Variants in GCFC2 observed in about 807,000 individuals in gnomAD.
GCFC2 encodes intron Large complex component GCFC2.
GCFC2 carries 102 observed loss-of-function variants against 99.4 expected under a neutral mutation model. That is an observed-to-expected ratio of 1.03 (90% confidence interval 0.87 to 1.21). The LOEUF is 1.21. Among genes scored for constraint, GCFC2 ranks in the 50% most tolerant of loss-of-function variants. The probability of loss-of-function intolerance (pLI) is 0.00; values close to 1 mark genes in which losing one functional copy is unlikely to be tolerated. For missense variants in GCFC2, 973 were observed against 920.9 expected, an observed-to-expected ratio of 1.06 and a Z score of -0.73; for synonymous variants, 338 against 316.8, an observed-to-expected ratio of 1.07 and a Z score of -0.71.
intron 5 of GCFC2, among the ~76,000 whole-genome samples, chr2:75,695,316 C>G (rs998297223): frequency 1.4e-5 from 2 of 147,944 alleles, no homozygotes; most frequent in African/African-American, 2.6e-5. Context: ...TATTTACTAT[C>G]CAGCCTTTTA....
chr2:75,680,464 A>G (rs1679523869), intron 11 of GCFC2, 150 bp from the exon 12 acceptor site: 1 of 556,868 alleles, frequency 1.8e-6, no homozygotes, highest in Admixed American at 3.4e-5. Flanking sequence ...ATTTGCATAC[A>G]TCTTCAATTT....
intron 11 of GCFC2, among the ~76,000 whole-genome samples, chr2:75,684,292 G>C (rs528685666): frequency 6.6e-6 from 1 of 152,288 alleles, no homozygotes; most frequent in Admixed American, 6.5e-5. Flanking sequence ...TCAGACCACA[G>C]TACAATCAAA....
intron 4 of GCFC2, among the ~76,000 whole-genome samples, chr2:75,698,786 C>A (rs1033932877): frequency 6.6e-6 from 1 of 151,934 alleles, no homozygotes; most frequent in African/African-American, 2.4e-5. Flanking sequence ...TTGAGGTGGG[C>A]AGACTGCCTG....
At position 75,694,398 on chromosome 2, in the gene GCFC2, G is replaced by T; in HGVS notation, c.863C>A (p.Ser288Ter). Reference sequence around the variant, plus strand: ...GTATTTTTCATACTCCCTCAGGTGTGAGCGGTGAGTTTCCTGTAGTAATGT... The same window carrying T: ...GTATTTTTCATACTCCCTCAGGTGTTAGCGGTGAGTTTCCTGTAGTAATGT... Reference protein sequence around the residue: ...RLTLLQETHRSHLREYEKYVQ... With the variant: ...RLTLLQETHR The change falls in exon 6 of 17, where the codon TCA becomes TAA. Residue 288 changes from serine (S) to a stop codon, truncating the protein, a stop_gained. Coordinates refer to ENST00000321027, the MANE Select transcript of GCFC2 (RefSeq NM_003203.5). LOFTEE classifies it high-confidence loss of function. 6.9e-7 allele frequency: 1 copy of T among 1,456,680 alleles called. No homozygotes were observed. Among genetic ancestry groups the T allele is most frequent in the Non-Finnish European group, 9.2e-7 (1 of 1,087,956 alleles). The allele number at this position is 1,456,680 out of a possible 1,614,324, so 90.2% of individuals were successfully genotyped here.
chr2:75,673,663 A>C (rs1044643742), intron 12 of GCFC2, 143 bp from the exon 13 acceptor site: 9 of 603,186 alleles, frequency 1.5e-5, no homozygotes, highest in Non-Finnish European at 2.7e-5. Flanking sequence ...TACAAAAAAA[A>C]CCTTATTTAT....
At chr2:75,677,618 T>C (rs1313053492) in intron 12 of GCFC2, among the ~76,000 whole-genome samples, 1 of 152,216 alleles carries the variant, frequency 6.6e-6, no homozygotes, top group Non-Finnish European at 1.5e-5. Flanking sequence ...AAAACCCTGA[T>C]GTAATCTATT....
intron 8 of GCFC2, 127 bp from the exon 9 acceptor site, chr2:75,690,208 A>G (rs1407145680): frequency 1.9e-5 from 12 of 634,910 alleles, no homozygotes; most frequent in Non-Finnish European, 3.1e-5. Flanking sequence ...ATGGCCAGAA[A>G]TATACTATCA....
At chr2:75,701,921 C>T in intron 3 of GCFC2, 1 of 1,169,422 alleles carries the variant, frequency 8.6e-7, no homozygotes, top group South Asian at 3.1e-5. Flanking sequence ...GTTTTCAATG[C>T]TTTGAAAGTA....
Position 75,706,615 on chromosome 2 carries a change from T to C in GCFC2, c.302A>G (p.Asp101Gly). 6.3e-7 allele frequency: 1 copy of C among 1,594,452 alleles called. No individual in the cohort carries two copies. The highest frequency in any genetic ancestry group is 1.1e-5 in the South Asian group (1 of 90,614). Residue 101 changes from aspartate to glycine, a missense_variant, in exon 2 of 17, where the codon GAT becomes GGT. Physicochemically the swap from Asp to Gly is moderately conservative, Grantham distance 94 (BLOSUM62 -1). Transcript: ENST00000321027. Reference sequence around the variant, plus strand: ...ACTTTCTGAGGAGTGATGTATTTTATCCTCTTCATCTGTGGACACATCAAG... The same window carrying C: ...ACTTTCTGAGGAGTGATGTATTTTACCCTCTTCATCTGTGGACACATCAAG... ...RTLDVSTDEEDKIHHSSESKD... is the reference protein window; with the variant it reads ...RTLDVSTDEEGKIHHSSESKD...
chr2:75,700,752 A>G (rs151116820), intron 4 of GCFC2, among the ~76,000 whole-genome samples: 1 of 152,312 alleles, frequency 6.6e-6, no homozygotes, highest in African/African-American at 2.4e-5. Context: ...CTCCCAAAAG[A>G]TACATCCATG....
chr2:75,701,077 T>G, intron 4 of GCFC2, 113 bp downstream of exon 4: 1 of 639,808 alleles, frequency 1.6e-6, no homozygotes. Flanking sequence ...ACTTCAGATT[T>G]TGGCCTCCAC....
At chr2:75,666,309 CTTGTAT>C (rs1311187809) in intron 15 of GCFC2, among the ~76,000 whole-genome samples, 5 of 152,126 alleles carry the variant, frequency 3.3e-5, no homozygotes, top group Non-Finnish European at 5.9e-5. Context: ...TTTCTATATT[CTTGTAT>C]TTGTGAGTCA....
intron 5 of GCFC2, among the ~76,000 whole-genome samples, chr2:75,694,662 A>G (rs1680227380): frequency 6.6e-6 from 1 of 152,166 alleles, no homozygotes; most frequent in African/African-American, 2.4e-5. Flanking sequence ...TTTGCTTTAT[A>G]TAAAGGAGAG....
Position 75,710,731 on chromosome 2 carries a change from T to G in GCFC2, c.125A>C (p.Glu42Ala), listed in dbSNP as rs1457565901. The G allele has an allele frequency of 1.3e-6, 2 of 1,557,684 alleles. No homozygotes were observed. Among genetic ancestry groups the G allele is most frequent in the Non-Finnish European group, 1.7e-6 (2 of 1,156,266 alleles). Reference sequence around the variant, plus strand: ...GCCTCCTCCAGAGGGCGGCTCTTCCTCCGCAGAACCCGGGACCGGAAGTTC... The same window carrying G: ...GCCTCCTCCAGAGGGCGGCTCTTCCGCCGCAGAACCCGGGACCGGAAGTTC... ...PRELPVPGSAEEEPPSGGGRA... is the reference protein window; with the variant it reads ...PRELPVPGSAAEEPPSGGGRA... The change falls in exon 1 of 17, where the codon GAG becomes GCG. Residue 42 changes from glutamate to alanine, a missense_variant. Glu to Ala is a moderately radical substitution (Grantham distance 107). Coordinates refer to ENST00000321027, the MANE Select transcript of GCFC2 (RefSeq NM_003203.5).
At chr2:75,689,778 A>C (rs1054621570) in intron 9 of GCFC2, among the ~76,000 whole-genome samples, 191 bp downstream of exon 9, 1 of 152,158 alleles carries the variant, frequency 6.6e-6, no homozygotes, top group Non-Finnish European at 1.5e-5. Flanking sequence ...GAATACTCAC[A>C]ATGTTCCTTC....
At chr2:75,703,600 A>G (rs1005627023) in intron 2 of GCFC2, among the ~76,000 whole-genome samples, 10 of 152,228 alleles carry the variant, frequency 6.6e-5, no homozygotes, top group Admixed American at 6.5e-5. Flanking sequence ...TTTATAGACT[A>G]CTGTCAGGGA....
chr2:75,707,042 T>C (rs145675197), intron 1 of GCFC2, among the ~76,000 whole-genome samples: 1 of 152,354 alleles, frequency 6.6e-6, no homozygotes, highest in East Asian at 1.9e-4. Flanking sequence ...ACATGACTTA[T>C]TTAATACCTG....
At position 75,666,042 on chromosome 2, in the gene GCFC2, A is replaced by T. The variant is rs1307966115; in HGVS notation, c.2115T>A (p.Cys705Ter). 5 of 1,603,684 alleles carry T rather than the reference A, an allele frequency of 3.1e-6. No homozygotes were observed. The South Asian group carries it at 5.6e-5, about 18-fold the overall frequency. Reference sequence around the variant, plus strand: ...AATTTTCAAACCATTTTTCTGGTAGACATGCTGCTACCTGTTAATCAAAAC... The same window carrying T: ...AATTTTCAAACCATTTTTCTGGTAGTCATGCTGCTACCTGTTAATCAAAAC... ...VVKKCNQVAACLPEKWFENSA... is the reference protein window; with the variant it reads ...VVKKCNQVAA The change falls in exon 16 of 17, where the codon TGT (cysteine) becomes TGA (stop). Residue 705 changes from cysteine (C) to a stop codon, truncating the protein, a stop_gained. Coordinates refer to ENST00000321027, the MANE Select transcript of GCFC2 (RefSeq NM_003203.5). LOFTEE classifies it high-confidence loss of function.
chr2:75,710,528 A>AC, intron 1 of GCFC2, 63 bp downstream of exon 1: 2 of 1,426,614 alleles, frequency 1.4e-6, no homozygotes, highest in Middle Eastern at 2.6e-4. Context: ...GGATCCAGAG[A>AC]CCCCGCGGCC....
Sources: gnomAD v4.1 joint callset for allele counts (sites outside exome capture counted in the v4.1 genomes callset) on GRCh38, gnomAD v4.1.1 for gene constraint, MANE v1.5 for transcripts, NCBI Gene and HGNC (gene_info 2026-07-23, HGNC 2026-07-21) for gene names.